Variants in MCCC2 observed in about 807,000 individuals in gnomAD.
MCCC2 encodes methylcrotonoyl-CoA carboxylase beta chain, mitochondrial.
A neutral mutation model predicts 77.2 loss-of-function variants in MCCC2; 52 were observed. That is an observed-to-expected ratio of 0.67 (90% CI 0.54 to 0.85). The LOEUF is 0.85. MCCC2 is among the 40% of genes least tolerant of loss of function. The pLI, the probability that MCCC2 is intolerant of heterozygous loss-of-function variation, is 0.00. For missense variants in MCCC2, 682 were observed against 703.2 expected (o/e 0.97, Z 0.34); for synonymous variants, 253 against 248.4 (o/e 1.02, Z -0.18).
Position 71,649,349 on chromosome 5 carries a change from A to C in MCCC2, c.1373+96A>C, listed in dbSNP as rs1355417346. ...AGGTGTATTTGAAATATAGAATGCC[A>C]TTCCCAGATCTCAATCAATTATACC... On this transcript the variant is annotated intron_variant, in intron 14 of 16. Coordinates refer to ENST00000340941, the MANE Select transcript of MCCC2 (RefSeq NM_022132.5). 2.5e-6 allele frequency: 3 copies of C among 1,193,198 alleles called. No individual in the cohort carries two copies. The African/African-American group carries it at 4.5e-5, about 18-fold the overall frequency. The allele number at this position is 1,193,198 out of a possible 1,614,324, so 73.9% of individuals were successfully genotyped here.
chr5:71,607,204 C>G (rs1234194256), intron 6 of MCCC2, among the ~76,000 whole-genome samples: 1 of 151,838 alleles, frequency 6.6e-6, no homozygotes, highest in Non-Finnish European at 1.5e-5. Context: ...TCCATCTGGT[C>G]CTGGACTCTT....
intron 6 of MCCC2, among the ~76,000 whole-genome samples, chr5:71,613,257 A>G (rs1746031882): frequency 6.6e-6 from 1 of 152,218 alleles, no homozygotes; most frequent in South Asian, 2.1e-4. Flanking sequence ...GGAGGCTACT[A>G]TTTAAGCACT....
At chr5:71,646,365 A>C in intron 13 of MCCC2, 88 bp downstream of exon 13, 2 of 1,190,296 alleles carry the variant, frequency 1.7e-6, no homozygotes, top group East Asian at 2.4e-5. Flanking sequence ...ACACATGTAG[A>C]CCACTTCATC....
intron 13 of MCCC2, among the ~76,000 whole-genome samples, chr5:71,648,385 C>G (rs1240964075): frequency 6.6e-6 from 1 of 152,164 alleles, no homozygotes; most frequent in African/African-American, 2.4e-5. Context: ...CTCCACAGAG[C>G]TAGGGGCTTG....
chr5:71,602,643 C>T lies in MCCC2; in HGVS notation c.511+10C>T. On this transcript the variant is annotated intron_variant, in intron 5 of 16. Transcript: ENST00000340941. ...CCCTGCATCTACTTAGGCAAGTCAC[C>T]AGAGTGGTAAAATAAACTATTATTA... The T allele has an allele frequency of 1.2e-6, 2 of 1,614,138 alleles. No individual in the cohort carries two copies. The highest frequency in any genetic ancestry group is 2.2e-5 in the East Asian group (1 of 44,878).
chr5:71,646,322 T>A (rs751239038), intron 13 of MCCC2, 45 bp downstream of exon 13: 13 of 1,567,154 alleles, frequency 8.3e-6, no homozygotes, highest in Non-Finnish European at 1.1e-5. Flanking sequence ...ATTCCAGAGC[T>A]GTACCATCAG....
In MCCC2 at chr5:71,587,413, G is replaced by A. The variant is rs1164661869; in HGVS notation, c.-13G>A. 6 of 1,533,158 alleles carry A rather than the reference G, an allele frequency of 3.9e-6. No individual in the cohort carries two copies. Among genetic ancestry groups the A allele is most frequent in the African/African-American group, 1.4e-5 (1 of 72,858 alleles). 95.0% of individuals were successfully genotyped at this position (1,533,158 alleles called of 1,614,324 possible). On this transcript the variant is annotated 5_prime_UTR_variant, in exon 1 of 17. Transcript: ENST00000340941. ...GCCAGCGTGGGCCGCTCTCTCGCTCGGTGCCCGCCGCCATGTGGGCCGTCC... is the reference window on the plus strand; with the variant it reads ...GCCAGCGTGGGCCGCTCTCTCGCTCAGTGCCCGCCGCCATGTGGGCCGTCC...
chr5:71,604,263 A>T (rs1336420746), intron 5 of MCCC2, 93 bp from the exon 6 acceptor site: 1 of 1,109,020 alleles, frequency 9.0e-7, no homozygotes, highest in Non-Finnish European at 1.4e-6. Context: ...TGTGAATGTG[A>T]TTAAGAACTG....
chr5:71,643,249 G>T (rs952313247), intron 11 of MCCC2, among the ~76,000 whole-genome samples: 4 of 151,770 alleles, frequency 2.6e-5, no homozygotes, highest in African/African-American at 9.7e-5. Context: ...GGGTGTGGGG[G>T]TGAGTGTCTG....
At chr5:71,639,410 T>TA (rs1482865956) in intron 10 of MCCC2, among the ~76,000 whole-genome samples, 1 of 152,076 alleles carries the variant, frequency 6.6e-6, no homozygotes, top group Non-Finnish European at 1.5e-5. Context: ...TTTTTTTTTT[T>TA]AAACCTCATG....
chr5:71,642,559 T>C (rs16869169), intron 11 of MCCC2, among the ~76,000 whole-genome samples: 2,576 of 152,286 alleles, frequency 0.017, 77 homozygotes, highest in African/African-American at 0.06. Flanking sequence ...GATCCCTAAG[T>C]GGGGCCTAGT....
chr5:71,592,467 C>T (rs1745018908), intron 1 of MCCC2, among the ~76,000 whole-genome samples: 2 of 152,130 alleles, frequency 1.3e-5, no homozygotes, highest in Admixed American at 1.3e-4. Context: ...TGTCAGTAAG[C>T]AAGCATTGGT....
At chr5:71,607,623 TG>T (rs1370223941) in intron 6 of MCCC2, among the ~76,000 whole-genome samples, 3 of 146,816 alleles carry the variant, frequency 2.0e-5, no homozygotes, top group Non-Finnish European at 1.5e-5. Flanking sequence ...TGCTAGCTTT[TG>T]AACGTGTTTG....
In MCCC2 at chr5:71,599,549, T is replaced by C; in HGVS notation, c.282-110T>C. The C allele has an allele frequency of 3.7e-6, 3 of 819,816 alleles. No individual in the cohort carries two copies. The Admixed American group carries it at 6.0e-5, about 16-fold the overall frequency. The allele number at this position is 819,816 out of a possible 1,614,324, so 50.8% of individuals were successfully genotyped here. On this transcript the variant is annotated intron_variant, in intron 3 of 16. Coordinates refer to ENST00000340941, the MANE Select transcript of MCCC2 (RefSeq NM_022132.5). ...ATAGATTTTATATACAACATGTGTA[T>C]TTGAAATATTGTCCCATTGAGGAAA...
At chr5:71,599,214 C>CA (rs1057244417) in intron 3 of MCCC2, among the ~76,000 whole-genome samples, 1 of 151,926 alleles carries the variant, frequency 6.6e-6, no homozygotes, top group Admixed American at 6.5e-5. Flanking sequence ...ACTAAAAATA[C>CA]AAAAAATTAG....
At position 71,643,853 on chromosome 5, in the gene MCCC2, C is replaced by T. The variant is rs1394757971; in HGVS notation, c.1107C>T (p.Ile369=). 50 of 1,613,898 alleles carry T rather than the reference C, an allele frequency of 3.1e-5. No individual in the cohort carries two copies. Among genetic ancestry groups the T allele is most frequent in the Non-Finnish European group, 4.1e-5 (48 of 1,179,998 alleles). The part of the protein sequence containing the change: ...FARIFGYPVG[I]VGNNGVLFSE... ...GAATATTTGGGTACCCAGTAGGTAT[C>T]GTTGGAAACAACGGAGTTCTCTTTT... is the stretch of plus-strand genomic sequence containing the variant. Residue 369 remains isoleucine, a synonymous_variant, in exon 12 of 17, where the codon ATC becomes ATT. Coordinates refer to ENST00000340941, the MANE Select transcript of MCCC2 (RefSeq NM_022132.5).
chr5:71,610,847 G>C (rs150032405), intron 6 of MCCC2, among the ~76,000 whole-genome samples: 1 of 152,248 alleles, frequency 6.6e-6, no homozygotes, highest in African/African-American at 2.4e-5. Flanking sequence ...TTAGCTGGGC[G>C]TGGTGGCACA....
intron 2 of MCCC2, among the ~76,000 whole-genome samples, chr5:71,595,393 C>T (rs1013660279): frequency 2.1e-5 from 3 of 144,810 alleles, no homozygotes; most frequent in Non-Finnish European, 4.5e-5. Flanking sequence ...GGCACCACTG[C>T]ACTCCAGCCT....
At chr5:71,636,013 C>T (rs2112440462) in intron 10 of MCCC2, 1 of 244,702 alleles carries the variant, frequency 4.1e-6, no homozygotes, top group Non-Finnish European at 8.4e-6. Context: ...TGTATATACG[C>T]ACATTTTTAT....
Sources: gnomAD v4.1 joint callset for allele counts (sites outside exome capture counted in the v4.1 genomes callset) on GRCh38, gnomAD v4.1.1 for gene constraint, MANE v1.5 for transcripts, NCBI Gene and HGNC (gene_info 2026-07-23, HGNC 2026-07-21) for gene names.